Variants in NRXN1 observed in about 807,000 individuals in gnomAD.
NRXN1 encodes the protein neurexin 1.
In NRXN1, 39 loss-of-function variants were observed where a neutral mutation model predicts 150.9. The observed-to-expected ratio is 0.26, with a 90% CI of 0.20 to 0.34. The LOEUF (loss-of-function observed/expected upper bound fraction) is 0.34. Ranked by LOEUF, NRXN1 falls within the 10% of genes least tolerant of loss-of-function variation. The pLI is 1.00. For missense variants in NRXN1, 1,815 were observed against 1,949.9 expected (o/e 0.93, Z 1.30); for synonymous variants, 924 against 757.0 (o/e 1.22, Z -3.62).
chr2:50,620,974 G>A, intron 7 of NRXN1: 1 of 435,974 alleles, frequency 2.3e-6, no homozygotes, highest in East Asian at 3.5e-5. Flanking sequence ...ACCACAGCTG[G>A]ATGCAAAACG....
intron 5 of NRXN1, among the ~76,000 whole-genome samples, chr2:50,775,756 C>T (rs1420322129): frequency 6.6e-6 from 1 of 152,078 alleles, no homozygotes; most frequent in Non-Finnish European, 1.5e-5. Flanking sequence ...AAGACCTTTG[C>T]CACAGCATTG....
chr2:50,207,445 T>A (rs1332610345), intron 18 of NRXN1: 1 of 152,066 alleles, frequency 6.6e-6, no homozygotes, highest in Non-Finnish European at 1.5e-5. Flanking sequence ...TGCCTTATTA[T>A]AGTAACTTAA....
chr2:50,361,046 A>G (rs2079152048), intron 17 of NRXN1, among the ~76,000 whole-genome samples: 1 of 152,248 alleles, frequency 6.6e-6, no homozygotes, highest in African/African-American at 2.4e-5. Flanking sequence ...GCAGAAATAA[A>G]GATGTTCTTT....
rs539148345 is a variant in NRXN1, at chr2:50,259,806, G to C, written c.3365-22836C>G. Among the ~76,000 whole-genome samples, 18 of 151,862 alleles carry C rather than the reference G, an allele frequency of 1.2e-4. 2 individuals are homozygous for C. In the South Asian group the frequency reaches 3.7e-3, roughly 31 times the overall value. ...ACTATATTGTCCCAGGATGTCATTTGCATGTTTACTATTTGGTTTTCTAAA... is the reference window on the plus strand; with the variant it reads ...ACTATATTGTCCCAGGATGTCATTTCCATGTTTACTATTTGGTTTTCTAAA... On this transcript the variant is annotated intron_variant, in intron 17 of 22. Transcript: ENST00000401669.
At chr2:50,791,208 T>A (rs1705958158) in intron 5 of NRXN1, among the ~76,000 whole-genome samples, 2 of 148,878 alleles carry the variant, frequency 1.3e-5, no homozygotes, top group South Asian at 4.2e-4. Context: ...ACTTTATAGC[T>A]CCAAGTGAAT....
chr2:50,740,713 T>C (rs1224373105), intron 5 of NRXN1, among the ~76,000 whole-genome samples: 2 of 152,162 alleles, frequency 1.3e-5, no homozygotes, highest in Admixed American at 6.5e-5. Context: ...AAGTTGGTTA[T>C]AATCTCCCCC....
chr2:50,787,555 C>T (rs1705306594), intron 5 of NRXN1, among the ~76,000 whole-genome samples: 1 of 151,606 alleles, frequency 6.6e-6, no homozygotes, highest in Admixed American at 6.6e-5. Flanking sequence ...GAAACTCCAT[C>T]TAAAAAAAGA....
At chr2:50,236,086 T>C (rs564634613) in intron 18 of NRXN1, among the ~76,000 whole-genome samples, 4 of 152,180 alleles carry the variant, frequency 2.6e-5, no homozygotes, top group South Asian at 4.1e-4. Context: ...CTAAAGTTAA[T>C]TATGGCAACT....
chr2:50,117,370 A>G (rs544813690), intron 18 of NRXN1, among the ~76,000 whole-genome samples: 1 of 152,274 alleles, frequency 6.6e-6, no homozygotes, highest in East Asian at 1.9e-4. Context: ...ATGAATAAGG[A>G]GAATGGGTAA....
At chr2:50,703,537 T>A (rs1294508223) in intron 5 of NRXN1, among the ~76,000 whole-genome samples, 2 of 152,154 alleles carry the variant, frequency 1.3e-5, no homozygotes, top group African/African-American at 4.8e-5. Context: ...TGAGAAAGGT[T>A]CATTTAAAGT....
Position 51,026,436 on chromosome 2 carries a change from A to G in NRXN1, c.772+1066T>C, listed in dbSNP as rs1355313898. On this transcript the variant is annotated intron_variant, in intron 2 of 22. Coordinates refer to ENST00000401669, the MANE Select transcript of NRXN1 (RefSeq NM_001330078.2). ...TCCTTGGTCATTGTCATGTAACAGC[A>G]CCGGCAAAACACACTGAAGACCGAA... 3.1e-6 allele frequency: 5 copies of G among 1,605,348 alleles called. No individual in the cohort carries two copies. In the African/African-American group the frequency reaches 5.3e-5, roughly 17 times the overall value.
chr2:50,930,070 A>T (rs1261258601), intron 2 of NRXN1, among the ~76,000 whole-genome samples: 1 of 152,056 alleles, frequency 6.6e-6, no homozygotes, highest in Non-Finnish European at 1.5e-5. Flanking sequence ...AATTTCAAAC[A>T]TGCTTTTTAA....
At chr2:51,001,248 G>A (rs1175904513) in intron 2 of NRXN1, among the ~76,000 whole-genome samples, 18 of 140,264 alleles carry the variant, frequency 1.3e-4, no homozygotes, top group African/African-American at 3.2e-4. Flanking sequence ...GGGGGGGGGC[G>A]TTTGTCAGGG....
At chr2:50,642,162 T>C (rs1052431117) in intron 5 of NRXN1, among the ~76,000 whole-genome samples, 7 of 152,060 alleles carry the variant, frequency 4.6e-5, no homozygotes, top group Non-Finnish European at 1.0e-4. Context: ...CAAAGAAACA[T>C]ATATTAAAGA....
intron 21 of NRXN1, chr2:50,022,880 T>A (rs1354406139): frequency 6.6e-6 from 1 of 152,214 alleles, no homozygotes; most frequent in Non-Finnish European, 1.5e-5. Context: ...GAATATCTTA[T>A]ATAGTAGGTA....
chr2:50,929,579 C>A (rs561884517), intron 2 of NRXN1, among the ~76,000 whole-genome samples: 1 of 152,202 alleles, frequency 6.6e-6, no homozygotes, highest in Non-Finnish European at 1.5e-5. Flanking sequence ...CTGCGAGTAG[C>A]TTCTGTCCCA....
intron 15 of NRXN1, among the ~76,000 whole-genome samples, chr2:50,474,263 A>C (rs937559487): frequency 6.6e-5 from 10 of 151,904 alleles, no homozygotes; most frequent in Admixed American, 1.3e-4. Context: ...AAAGATACAA[A>C]ATTAGCTTTC....
chr2:50,800,735 A>T (rs1185271009), intron 5 of NRXN1, among the ~76,000 whole-genome samples: 3 of 152,270 alleles, frequency 2.0e-5, no homozygotes, highest in East Asian at 3.9e-4. Flanking sequence ...TTTTTAGTAG[A>T]GACGGGGTTT....
At chr2:49,943,283 TA>T (rs1429049812) in intron 22 of NRXN1, among the ~76,000 whole-genome samples, 1 of 152,218 alleles carries the variant, frequency 6.6e-6, no homozygotes, top group Non-Finnish European at 1.5e-5. Context: ...TCACTTAAGG[TA>T]ATTTGCTGGC....
Sources: gnomAD v4.1 joint callset for allele counts (sites outside exome capture counted in the v4.1 genomes callset) on GRCh38, gnomAD v4.1.1 for gene constraint, MANE v1.5 for transcripts, NCBI Gene and HGNC (gene_info 2026-07-23, HGNC 2026-07-21) for gene names.